Variants in UBXN2B observed in about 807,000 individuals in gnomAD.
UBXN2B encodes UBX domain protein 2B, also known as UBX domain-containing protein 2B.
A neutral mutation model predicts 37.5 loss-of-function variants in UBXN2B; 19 were observed. That is an observed-to-expected ratio of 0.51 (90% CI 0.35 to 0.74). The LOEUF is 0.74. Ranked by LOEUF, UBXN2B falls within the 30% of genes least tolerant of loss-of-function variation. The probability of loss-of-function intolerance (pLI) is 0.01; values close to 1 mark genes in which losing one functional copy is unlikely to be tolerated. For synonymous variants in UBXN2B, 145 were observed against 143.8 expected (o/e 1.01, Z -0.06); for missense variants, 370 against 393.2 (o/e 0.94, Z 0.50).
chr8:58,443,197 G>T (rs980636476), intron 6 of UBXN2B, among the ~76,000 whole-genome samples: 5 of 152,142 alleles, frequency 3.3e-5, no homozygotes, highest in Non-Finnish European at 7.4e-5. Context: ...TGAGAAAATA[G>T]AACCTGACGG....
intron 2 of UBXN2B, among the ~76,000 whole-genome samples, chr8:58,418,829 C>A (rs1807850420): frequency 6.6e-6 from 1 of 152,074 alleles, no homozygotes. Flanking sequence ...GTATATTCTC[C>A]CAAGTCTTGA....
chr8:58,439,937 TATATC>T (rs1186880390), intron 6 of UBXN2B, among the ~76,000 whole-genome samples, 167 bp downstream of exon 6: 2 of 137,978 alleles, frequency 1.4e-5, no homozygotes, highest in Non-Finnish European at 3.3e-5. Context: ...GTGATACCAT[TATATC>T]ATAATATTAA....
At chr8:58,419,379 C>T (rs2129603757) in intron 2 of UBXN2B, among the ~76,000 whole-genome samples, 1 of 152,226 alleles carries the variant, frequency 6.6e-6, no homozygotes, top group South Asian at 2.1e-4. Context: ...GAAATCAAAA[C>T]AGTTATTGTC....
chr8:58,425,907 TG>T, intron 2 of UBXN2B: 1 of 1,214,098 alleles, frequency 8.2e-7, no homozygotes, highest in Non-Finnish European at 1.2e-6. Context: ...TTGTCATCAC[TG>T]GTGCGCACAG....
chr8:58,413,342 A>T (rs1184413440), intron 1 of UBXN2B: 1 of 152,256 alleles, frequency 6.6e-6, no homozygotes, highest in African/African-American at 2.4e-5. Flanking sequence ...ACTTGAAAAC[A>T]GCCAAAGGGA....
intron 7 of UBXN2B, among the ~76,000 whole-genome samples, chr8:58,446,779 A>AGTTTTTTTTTTTTTTTTTTTTTTT (rs1808682324): frequency 5.8e-5 from 1 of 17,386 alleles, no homozygotes; most frequent in Non-Finnish European, 1.0e-4. Flanking sequence ...TACAACCTGC[A>AGTTTTTTTTTTTTTTTTTTTTTTT]TTTTTTTTTT....
chr8:58,446,778 C>CCTTTTTTTTTTTT (rs1585622637), intron 7 of UBXN2B, among the ~76,000 whole-genome samples: 1 of 14,974 alleles, frequency 6.7e-5, no homozygotes, highest in Admixed American at 4.6e-4. Context: ...GTACAACCTG[C>CCTTTTTTTTTTTT]ATTTTTTTTT....
chr8:58,439,982 C>T (rs1168609174), intron 6 of UBXN2B, among the ~76,000 whole-genome samples: 1 of 152,052 alleles, frequency 6.6e-6, no homozygotes, highest in African/African-American at 2.4e-5. Context: ...GTAATTAATA[C>T]TTAGATTGCA....
At chr8:58,424,861 A>G in intron 2 of UBXN2B, 1 of 1,264,156 alleles carries the variant, frequency 7.9e-7, no homozygotes, top group Non-Finnish European at 1.2e-6. Flanking sequence ...TGTCTGGACC[A>G]TCCCTGACCT....
At chr8:58,426,742 G>T in intron 2 of UBXN2B, 1 of 655,816 alleles carries the variant, frequency 1.5e-6, no homozygotes. Flanking sequence ...GCTCCACTGG[G>T]CTCGGTCACG....
In UBXN2B at chr8:58,430,687, A is replaced by G; in HGVS notation, c.339+18A>G. 1 of 1,445,336 alleles carries G rather than the reference A, an allele frequency of 6.9e-7. No homozygotes were observed. The highest frequency in any genetic ancestry group is 1.7e-5 in the South Asian group (1 of 59,222). The allele number at this position is 1,445,336 out of a possible 1,614,324, so 89.5% of individuals were successfully genotyped here. A position where few individuals can be genotyped will look rare whatever the true frequency, so the allele number is the denominator to read the frequency against. Reference sequence around the variant, plus strand: ...AATCTAAGGTCAGTGCTCAATTTTAAACTAAATACATTGTTTCTATATTTT... The same window carrying G: ...AATCTAAGGTCAGTGCTCAATTTTAGACTAAATACATTGTTTCTATATTTT... On this transcript the variant is annotated intron_variant, in intron 3 of 7. Transcript: ENST00000399598.
rs1012834642 is a variant in UBXN2B, at chr8:58,440,987, C to G, written c.671+1217C>G. ...GTCTCTCTTTACACGTCAGGCTTCT[C>G]TTTCTTTCTCTTTTTTTTTTTTTGA... On this transcript the variant is annotated intron_variant, in intron 6 of 7. Transcript: ENST00000399598. 6.6e-5 allele frequency among the ~76,000 whole-genome samples: 10 copies of G among 150,998 alleles called. No homozygotes were observed. In the Middle Eastern group the frequency reaches 0.017, roughly 259 times the overall value.
chr8:58,444,128 A>C (rs1268105258), intron 6 of UBXN2B, among the ~76,000 whole-genome samples: 1 of 152,252 alleles, frequency 6.6e-6, no homozygotes, highest in Non-Finnish European at 1.5e-5. Context: ...GCCTTAAAAC[A>C]GAAAGCAGTA....
chr8:58,441,348 C>CGTGTATATATATATATATATATAT (rs1242681481), intron 6 of UBXN2B, among the ~76,000 whole-genome samples: 3 of 104,664 alleles, frequency 2.9e-5, no homozygotes, highest in African/African-American at 1.2e-4. Context: ...TTGTGATCAA[C>CGTGTATATATATATATATATATAT]ATATATATAT....
intron 5 of UBXN2B, chr8:58,435,067 G>A (rs975835039): frequency 2.1e-6 from 3 of 1,438,772 alleles, no homozygotes; most frequent in Non-Finnish European, 1.8e-6. Context: ...AAGTGATTTT[G>A]CTATGATAAT....
chr8:58,434,378 T>C lies in UBXN2B; in HGVS notation c.424-17T>C. ...ATATATATATATATATATTTTTTTTTTTTCTATACCCAAAAGGTTCAGATT... is the reference window on the plus strand; with the variant it reads ...ATATATATATATATATATTTTTTTTCTTTCTATACCCAAAAGGTTCAGATT... On this transcript the variant is annotated splice_polypyrimidine_tract_variant and intron_variant, in intron 4 of 7. Coordinates refer to ENST00000399598, the MANE Select transcript of UBXN2B (RefSeq NM_001077619.2). 8.6e-7 allele frequency: 1 copy of C among 1,157,772 alleles called. No individual in the cohort carries two copies. The highest frequency in any genetic ancestry group is 1.6e-5 in the African/African-American group (1 of 61,054). The allele number at this position is 1,157,772 out of a possible 1,614,324, so 71.7% of individuals were successfully genotyped here.
rs143288804 is a variant in UBXN2B, at chr8:58,450,196, C to T, written c.*2645C>T. 10 of 152,182 alleles carry T rather than the reference C, an allele frequency of 6.6e-5. No homozygotes were observed. The East Asian group carries it at 7.7e-4, about 12-fold the overall frequency. The allele number at this position is 152,182 out of a possible 1,614,324, so 9.4% of individuals were successfully genotyped here. A position where few individuals can be genotyped will look rare whatever the true frequency, so the allele number is the denominator to read the frequency against. On this transcript the variant is annotated 3_prime_UTR_variant, in exon 8 of 8. Transcript: ENST00000399598. Reference sequence around the variant, plus strand: ...TGGCTTTTGCCATTTGAATAGGCCGCGAATTTCCCAAATCATCAAGTCCTG... The same window carrying T: ...TGGCTTTTGCCATTTGAATAGGCCGTGAATTTCCCAAATCATCAAGTCCTG...
intron 1 of UBXN2B, among the ~76,000 whole-genome samples, 153 bp from the exon 2 acceptor site, chr8:58,416,697 T>A (rs1807792119): frequency 6.6e-6 from 1 of 152,196 alleles, no homozygotes; most frequent in Non-Finnish European, 1.5e-5. Context: ...ATGCAGTAAG[T>A]TTATTTCAGA....
intron 2 of UBXN2B, chr8:58,425,100 C>T (rs1025869946): frequency 6.4e-5 from 51 of 792,966 alleles, no homozygotes; most frequent in South Asian, 5.0e-4. Context: ...CTCCGTGGTC[C>T]GGCCAGGTCC....
Sources: gnomAD v4.1 joint callset for allele counts (sites outside exome capture counted in the v4.1 genomes callset) on GRCh38, gnomAD v4.1.1 for gene constraint, MANE v1.5 for transcripts, NCBI Gene and HGNC (gene_info 2026-07-23, HGNC 2026-07-21) for gene names.